The following AGR3 variants were observed in gnomAD, a reference collection of about 807,000 sequenced individuals.
AGR3 encodes anterior gradient 3, protein disulphide isomerase family member, also known as anterior gradient protein 3.
In AGR3, 37 loss-of-function variants were observed where a neutral mutation model predicts 24.5. The ratio of observed to expected loss-of-function variants is 1.51; its 90% confidence interval spans 1.16 to 1.99. The LOEUF is 1.99. Ranked by LOEUF, AGR3 falls within the 30% of genes most tolerant of loss-of-function variation. The probability of loss-of-function intolerance (pLI) is 0.00; values close to 1 mark genes in which losing one functional copy is unlikely to be tolerated. For missense variants in AGR3, 228 were observed against 191.1 expected (o/e 1.19, Z -1.14); for synonymous variants, 75 against 61.6 (o/e 1.22, Z -1.02).
At chr7:16,876,494 C>T (rs1035177872) in intron 2 of AGR3, among the ~76,000 whole-genome samples, 1 of 151,844 alleles carries the variant, frequency 6.6e-6, no homozygotes, top group African/African-American at 2.4e-5. Context: ...TCCTTACTGC[C>T]TTCTCTACTT....
chr7:16,860,622 G>T, intron 6 of AGR3, 39 bp from the exon 7 acceptor site: 1 of 1,422,726 alleles, frequency 7.0e-7, no homozygotes, highest in Non-Finnish European at 9.9e-7. Flanking sequence ...GTATAATTTA[G>T]CATGTTCTTT....
At chr7:16,871,377 C>G (rs1242768816) in intron 3 of AGR3, among the ~76,000 whole-genome samples, 1 of 152,138 alleles carries the variant, frequency 6.6e-6, no homozygotes, top group Non-Finnish European at 1.5e-5. Flanking sequence ...TTGTGGCATC[C>G]TTTTGAAAAC....
At chr7:16,864,424 A>T (rs1781709408) in intron 3 of AGR3, 1 of 1,282,492 alleles carries the variant, frequency 7.8e-7, no homozygotes, top group Non-Finnish European at 1.1e-6. Flanking sequence ...GGGTTCACCC[A>T]GAGATTCCTC....
intron 2 of AGR3, among the ~76,000 whole-genome samples, chr7:16,878,170 T>C (rs1237075815): frequency 6.6e-6 from 1 of 152,080 alleles, no homozygotes; most frequent in Admixed American, 6.5e-5. Flanking sequence ...TGAGCAAATT[T>C]TGAGGAATCT....
At chr7:16,862,518 A>T in intron 4 of AGR3, 92 bp downstream of exon 4, 1 of 713,814 alleles carries the variant, frequency 1.4e-6, no homozygotes, top group Admixed American at 3.5e-5. Context: ...GGATTTGCTG[A>T]GCGCCTTCTT....
chr7:16,862,631 C>A lies in AGR3; in HGVS notation c.205G>T (p.Glu69Ter). ...TTACCTTGAGAGTATTGACAATCCT[C>A]CAGGTGATGAATAACCATTAATGGC... ...KKPLMVIHHL[E>*]DCQYSQALKK... Residue 69 changes from glutamate (E) to a stop codon, truncating the protein, a stop_gained, in exon 4 of 8, where the codon GAG (glutamate) becomes TAG (stop). Coordinates refer to ENST00000310398, the MANE Select transcript of AGR3 (RefSeq NM_176813.5). LOFTEE classifies it high-confidence loss of function. 1.3e-6 allele frequency: 2 copies of A among 1,539,050 alleles called. No individual in the cohort carries two copies. The highest frequency in any genetic ancestry group is 1.3e-5 in the South Asian group (1 of 76,990).
downstream of AGR3, chr7:16,859,270 T>C (rs555917569): frequency 5.8e-4 from 109 of 187,076 alleles, no homozygotes; most frequent in African/African-American, 2.5e-3. Context: ...AAAATTAGAT[T>C]AGTTGATGGA....
chr7:16,868,996 C>T (rs183842027), intron 3 of AGR3, among the ~76,000 whole-genome samples: 7 of 152,292 alleles, frequency 4.6e-5, no homozygotes, highest in Non-Finnish European at 7.4e-5. Flanking sequence ...ATAATTCCTA[C>T]GCTATGAGAA....
rs1366525783 is a variant in AGR3, at chr7:16,859,493, T to A, written c.*89A>T. On this transcript the variant is annotated 3_prime_UTR_variant, in exon 8 of 8. Transcript: ENST00000310398. Reference sequence around the variant, plus strand: ...AAATAGTAATATTACAAAATCTATATACTTGCACATTTAGTATTTGTCAAT... The same window carrying A: ...AAATAGTAATATTACAAAATCTATAAACTTGCACATTTAGTATTTGTCAAT... The A allele has an allele frequency of 3.7e-6, 3 of 819,530 alleles. No homozygotes were observed. The highest frequency in any genetic ancestry group is 3.4e-5 in the African/African-American group (2 of 58,300). The allele number at this position is 819,530 out of a possible 1,614,324, so 50.8% of individuals were successfully genotyped here.
At chr7:16,880,521 TC>T (rs1562553843) in intron 1 of AGR3, among the ~76,000 whole-genome samples, 24 of 48,398 alleles carry the variant, frequency 5.0e-4, no homozygotes, top group South Asian at 1.1e-3. Context: ...TTTCCCCTCC[TC>T]TCCCCTCCCC....
chr7:16,855,039 T>C (rs1351455189), downstream of AGR3, among the ~76,000 whole-genome samples: 1 of 152,204 alleles, frequency 6.6e-6, no homozygotes, highest in Admixed American at 6.5e-5. Flanking sequence ...GTCTATGGGG[T>C]ACATAATGTT....
Position 16,859,416 on chromosome 7 carries a change from A to G in AGR3, c.*166T>C, listed in dbSNP as rs1781598128. 1.4e-5 allele frequency: 8 copies of G among 558,250 alleles called. No individual in the cohort carries two copies. Among genetic ancestry groups the G allele is most frequent in the South Asian group, 1.2e-4 (6 of 49,124 alleles). The allele number at this position is 558,250 out of a possible 1,614,324, so 34.6% of individuals were successfully genotyped here. ...AATAAAACTATATTGTCAGTCTCAG[A>G]TTTAAAAAACATTTATTTTAATAAG... On this transcript the variant is annotated 3_prime_UTR_variant, in exon 8 of 8. Transcript: ENST00000310398.
chr7:16,867,741 A>G (rs1397462976), intron 3 of AGR3, among the ~76,000 whole-genome samples: 2 of 152,062 alleles, frequency 1.3e-5, no homozygotes, highest in Non-Finnish European at 2.9e-5. Context: ...ATTACGTGAC[A>G]TTTGTCTTTC....
At chr7:16,865,268 T>A in intron 3 of AGR3, 1 of 961,788 alleles carries the variant, frequency 1.0e-6, no homozygotes, top group Non-Finnish European at 1.6e-6. Flanking sequence ...AGTTGTTTTC[T>A]CCTTTTGAAG....
chr7:16,865,095 T>C, intron 3 of AGR3: 1 of 750,438 alleles, frequency 1.3e-6, no homozygotes, highest in South Asian at 1.5e-5. Flanking sequence ...TCTTTTACTG[T>C]ATAAAATTTT....
intron 7 of AGR3, among the ~76,000 whole-genome samples, chr7:16,859,874 T>C (rs1781607535): frequency 6.6e-6 from 1 of 151,714 alleles, no homozygotes; most frequent in Non-Finnish European, 1.5e-5. Flanking sequence ...GAGTACCTCT[T>C]TTTTTTTAAT....
chr7:16,864,881 C>T, intron 3 of AGR3: 2 of 885,266 alleles, frequency 2.3e-6, no homozygotes, highest in Non-Finnish European at 1.9e-6. Flanking sequence ...AGGATACCTG[C>T]AAAACTTAGA....
At chr7:16,868,529 G>C (rs1290112055) in intron 3 of AGR3, among the ~76,000 whole-genome samples, 3 of 152,024 alleles carry the variant, frequency 2.0e-5, no homozygotes, top group Non-Finnish European at 4.4e-5. Flanking sequence ...TTTTTGTTTT[G>C]TTATTGAGTT....
At chr7:16,865,822 A>C in intron 3 of AGR3, 1 of 746,280 alleles carries the variant, frequency 1.3e-6, no homozygotes, top group South Asian at 1.4e-5. Context: ...AAACTGGATT[A>C]ATCCACTCTT....
Sources: gnomAD v4.1 joint callset for allele counts (sites outside exome capture counted in the v4.1 genomes callset) on GRCh38, gnomAD v4.1.1 for gene constraint, MANE v1.5 for transcripts, NCBI Gene and HGNC (gene_info 2026-07-23, HGNC 2026-07-21) for gene names.